Variants in PDK1 observed in about 807,000 individuals in gnomAD.
PDK1 encodes pyruvate dehydrogenase kinase 1, also known as [Pyruvate dehydrogenase (acetyl-transferring)] kinase isozyme 1, mitochondrial.
Under a neutral mutation model 54.2 loss-of-function variants are expected in PDK1, and 39 were observed. The observed-to-expected ratio is 0.72, with a 90% CI of 0.56 to 0.94. PDK1 has a LOEUF of 0.94. Among genes scored for constraint, PDK1 ranks in the 40% least tolerant of loss-of-function variants. PDK1 has a pLI of 0.00. For missense variants in PDK1, 552 were observed against 566.0 expected (o/e 0.98, Z 0.25); for synonymous variants, 221 against 207.1 (o/e 1.07, Z -0.58).
chr2:172,698,360 T>C, the PDK1 span, among the ~76,000 whole-genome samples: 14 of 152,236 alleles, frequency 9.2e-5, no homozygotes, highest in Middle Eastern at 3.4e-3. Context: ...TGTGACTCAC[T>C]TCACCATGGT....
intron 8 of PDK1, among the ~76,000 whole-genome samples, chr2:172,576,842 A>G (rs191044312): frequency 6.6e-6 from 1 of 152,316 alleles, no homozygotes; most frequent in African/African-American, 2.4e-5. Context: ...GATTTCAAGT[A>G]TACATCTATT....
At chr2:172,557,327 C>G (rs1688389712) in intron 1 of PDK1, among the ~76,000 whole-genome samples, 1 of 152,146 alleles carries the variant, frequency 6.6e-6, no homozygotes, top group Non-Finnish European at 1.5e-5. Context: ...CTAGTTTTTG[C>G]TAACGTTTTC....
chr2:172,630,164 G>T, the PDK1 span, among the ~76,000 whole-genome samples: 1 of 152,050 alleles, frequency 6.6e-6, no homozygotes. Context: ...CTATCTTATG[G>T]TTTTAATTTG....
At chr2:172,632,120 A>G in the PDK1 span, among the ~76,000 whole-genome samples, 1 of 152,004 alleles carries the variant, frequency 6.6e-6, no homozygotes, top group Non-Finnish European at 1.5e-5. Context: ...CTAAAAATAC[A>G]AAAATTAGCT....
chr2:172,710,896 A>C, the PDK1 span, among the ~76,000 whole-genome samples: 1 of 152,242 alleles, frequency 6.6e-6, no homozygotes, highest in Non-Finnish European at 1.5e-5. Context: ...TCATGCCACT[A>C]AACAATTACA....
chr2:172,689,593 C>T, the PDK1 span, among the ~76,000 whole-genome samples: 5 of 152,180 alleles, frequency 3.3e-5, no homozygotes, highest in Non-Finnish European at 7.4e-5. Context: ...TACCTGATTT[C>T]AAACTACACT....
At chr2:172,577,052 C>T (rs2149251026) in intron 8 of PDK1, among the ~76,000 whole-genome samples, 1 of 152,286 alleles carries the variant, frequency 6.6e-6, no homozygotes, top group East Asian at 1.9e-4. Flanking sequence ...GTATTGAAGT[C>T]ATCTCCAATT....
intron 8 of PDK1, among the ~76,000 whole-genome samples, chr2:172,581,450 C>CA (rs1169768803): frequency 6.6e-6 from 1 of 152,014 alleles, no homozygotes; most frequent in Non-Finnish European, 1.5e-5. Flanking sequence ...GTAAAGGTCT[C>CA]AAAAAAGAGT....
At chr2:172,621,461 C>A in the PDK1 span, among the ~76,000 whole-genome samples, 1 of 151,400 alleles carries the variant, frequency 6.6e-6, no homozygotes, top group African/African-American at 2.4e-5. Flanking sequence ...CTTTCCTTGC[C>A]CCTCAGCTTG....
At position 172,558,286 on chromosome 2, in the gene PDK1, T is replaced by C. The variant is rs570878761; in HGVS notation, c.197-422T>C. The C allele has an allele frequency of 9.2e-4, 141 of 154,048 alleles. 2 individuals carry two copies. The highest frequency in any genetic ancestry group is 3.3e-3 in the African/African-American group (137 of 41,636). 9.5% of individuals were successfully genotyped at this position (154,048 alleles called of 1,614,324 possible). ...CTGTTTCTTAGACAGGCACTTACTG[T>C]TTTTAAACCTAGAGTTAGATAACAG... On this transcript the variant is annotated intron_variant, in intron 1 of 10. Transcript: ENST00000282077.
intron 8 of PDK1, among the ~76,000 whole-genome samples, chr2:172,575,746 C>T (rs572238913): frequency 5.9e-5 from 9 of 152,172 alleles, no homozygotes; most frequent in African/African-American, 2.2e-4. Flanking sequence ...CACTTGAATC[C>T]GGGAGGCAGA....
At chr2:172,702,491 A>AAG in the PDK1 span, among the ~76,000 whole-genome samples, 9 of 151,116 alleles carry the variant, frequency 6.0e-5, no homozygotes, top group South Asian at 8.4e-4. Context: ...AAAAAAAAAA[A>AAG]GACAGAGGGA....
At chr2:172,708,626 T>G in the PDK1 span, among the ~76,000 whole-genome samples, 1 of 152,262 alleles carries the variant, frequency 6.6e-6, no homozygotes, top group Non-Finnish European at 1.5e-5. Context: ...TGAGTATTCC[T>G]TATCTGAAAG....
chr2:172,651,591 A>G, the PDK1 span, among the ~76,000 whole-genome samples: 8 of 152,206 alleles, frequency 5.3e-5, no homozygotes, highest in Non-Finnish European at 8.8e-5. Flanking sequence ...AAAGAAGAAA[A>G]GAGAGAAGAA....
intron 3 of PDK1, 62 bp from the exon 4 acceptor site, chr2:172,564,441 T>C (rs184639121): frequency 2.1e-4 from 282 of 1,366,424 alleles, no homozygotes; most frequent in Admixed American, 6.8e-4. Context: ...GTTAAGCTTA[T>C]ATTTTTGTAT....
chr2:172,661,720 A>C, the PDK1 span, among the ~76,000 whole-genome samples: 22,199 of 152,214 alleles, frequency 0.15, 2,821 homozygotes, highest in East Asian at 0.53. Context: ...AAACCAATAC[A>C]GCATGTAACT....
the PDK1 span, among the ~76,000 whole-genome samples, chr2:172,708,625 C>G: frequency 6.6e-6 from 1 of 152,102 alleles, no homozygotes; most frequent in African/African-American, 2.4e-5. Context: ...TTGAGTATTC[C>G]TTATCTGAAA....
At chr2:172,680,303 T>C in the PDK1 span, among the ~76,000 whole-genome samples, 1 of 152,214 alleles carries the variant, frequency 6.6e-6, no homozygotes, top group Admixed American at 6.5e-5. Context: ...GGATGCTCAA[T>C]CAATATTTAC....
the PDK1 span, among the ~76,000 whole-genome samples, chr2:172,682,501 T>G: frequency 1.3e-5 from 2 of 152,244 alleles, no homozygotes; most frequent in African/African-American, 4.8e-5. Flanking sequence ...TCCTCCACAG[T>G]GGAGAGTTGT....
Sources: allele counts gnomAD v4.1 joint callset (sites outside exome capture counted in the v4.1 genomes callset), GRCh38; gene constraint gnomAD v4.1.1; transcripts MANE v1.5; gene names NCBI Gene and HGNC (gene_info 2026-07-23, HGNC 2026-07-21).